DLX4: variants seen among roughly 807,000 people sequenced by gnomAD.
The protein encoded by DLX4 is distal-less homeobox 4.
DLX4 carries 13 observed loss-of-function variants against 17.1 expected under a neutral mutation model. The observed-to-expected ratio is 0.76, with a 90% confidence interval of 0.49 to 1.21. DLX4 has a LOEUF of 1.21. Ranked by LOEUF, DLX4 falls within the 50% of genes most tolerant of loss-of-function variation. DLX4 has a pLI of 0.00. For synonymous variants in DLX4, 129 were observed against 140.3 expected (o/e 0.92, Z 0.57); for missense variants, 297 against 301.4 (o/e 0.99, Z 0.11).
At chr17:49,973,553 C>T in intron 2 of DLX4, 148 bp from the exon 3 acceptor site, 1 of 1,110,264 alleles carries the variant, frequency 9.0e-7, no homozygotes, top group Non-Finnish European at 1.3e-6. Context: ...GCTCCTGGGG[C>T]TGTGGGGGAC....
In DLX4 at chr17:49,974,694, C is replaced by A. The variant is rs1173271727; in HGVS notation, c.*751C>A. ...TCAATAGGTATTTATTGAGAGGCTC[C>A]CTTCTATTCCCCATCCCTAATCCCT... On this transcript the variant is annotated 3_prime_UTR_variant, in exon 3 of 3. Transcript: ENST00000240306. 2.0e-5 allele frequency: 3 copies of A among 151,860 alleles called. No homozygotes were observed. Among genetic ancestry groups the A allele is most frequent in the Non-Finnish European group, 4.4e-5 (3 of 67,988 alleles). 9.4% of individuals were successfully genotyped at this position (151,860 alleles called of 1,614,324 possible).
upstream of DLX4, chr17:49,969,089 T>C (rs1231290359): frequency 4.8e-6 from 1 of 209,420 alleles, no homozygotes; most frequent in Admixed American, 6.0e-5. Context: ...TTACCACTTC[T>C]CTACAGCGGG....
At position 49,970,834 on chromosome 17, in the gene DLX4, A is replaced by G. The variant is rs573873343; in HGVS notation, c.283+1083A>G. Among the ~76,000 whole-genome samples the G allele has an allele frequency of 1.2e-4, 18 of 152,296 alleles. No individual in the cohort carries two copies. In the South Asian group the frequency reaches 2.3e-3, roughly 19 times the overall value. ...TCCTGTGGCTCTGACATGCTCACAA[A>G]CCATCAGAGCCAGAAGTGACCCTAG... On this transcript the variant is annotated intron_variant, in intron 1 of 2. Coordinates refer to ENST00000240306, the MANE Select transcript of DLX4 (RefSeq NM_138281.3).
rs1396958390 is a variant in DLX4 at position 49,969,260 on chromosome 17, C to A, written c.-209C>A. The A allele has an allele frequency of 6.2e-6, 2 of 324,820 alleles. No homozygotes were observed. The highest frequency in any genetic ancestry group is 2.5e-4 in the African/African-American group (2 of 8,010). 20.1% of individuals were successfully genotyped at this position (324,820 alleles called of 1,614,324 possible). On this transcript the variant is annotated 5_prime_UTR_variant, in exon 1 of 3. Coordinates refer to ENST00000240306, the MANE Select transcript of DLX4 (RefSeq NM_138281.3). ...TGGATTTAGGGGGGGAGGGGAAAGT[C>A]ATGGGGGGCACCCCCCCGGAACCCC...
At position 49,972,703 on chromosome 17, in the gene DLX4, G is replaced by A. The variant is rs1905551188; in HGVS notation, c.284-370G>A. The stretch of plus-strand genomic sequence containing the variant: ...AGGCCTCGGCTCAGCCCTGGACCTA[G>A]CCTTTCTGCCCCGCCCTACCCCAAG... On this transcript the variant is annotated intron_variant, in intron 1 of 2. Coordinates refer to ENST00000240306, the MANE Select transcript of DLX4 (RefSeq NM_138281.3). The surrounding 1 kb of genome is among the most constrained non-coding windows in gnomAD (Gnocchi z 5.4). 1 of 1,338,122 alleles carries A rather than the reference G, an allele frequency of 7.5e-7. No homozygotes were observed. Among genetic ancestry groups the A allele is most frequent in the African/African-American group, 1.5e-5 (1 of 67,238 alleles). 82.9% of individuals were successfully genotyped at this position (1,338,122 alleles called of 1,614,324 possible).
intron 1 of DLX4, chr17:49,971,825 C>G (rs1905515545): frequency 6.6e-6 from 1 of 152,344 alleles, no homozygotes; most frequent in East Asian, 1.9e-4. Flanking sequence ...ATCTCAGAAG[C>G]CCGCAGCGCC....
At chr17:49,973,326 A>T in intron 2 of DLX4, 57 bp downstream of exon 2, 1 of 1,586,810 alleles carries the variant, frequency 6.3e-7, no homozygotes, top group Non-Finnish European at 8.6e-7. Context: ...CTGGGAACTC[A>T]TCCCCCAGCC....
Position 49,973,061 on chromosome 17 carries a change from G to T in DLX4, c.284-12G>T, listed in dbSNP as rs555311434. 6.2e-7 allele frequency: 1 copy of T among 1,613,912 alleles called. No individual in the cohort carries two copies. The highest frequency in any genetic ancestry group is 8.5e-7 in the Non-Finnish European group (1 of 1,179,876). On this transcript the variant is annotated splice_polypyrimidine_tract_variant and intron_variant, in intron 1 of 2. Transcript: ENST00000240306. ...CTCCTCGCCCCCTACACCGTGTTGT[G>T]CTGCCCACCAGACTCGGAGAAGCCG...
rs749444856 is a variant in DLX4, at chr17:49,969,504, C to A, written c.36C>A (p.Asp12Glu). The A allele has an allele frequency of 2.0e-5, 32 of 1,606,430 alleles. No homozygotes were observed. Among genetic ancestry groups the A allele is most frequent in the Non-Finnish European group, 2.5e-5 (30 of 1,177,804 alleles). ...TSLPCPLPGR[D>E]ASKAVFPDLA... Reference sequence around the variant, plus strand: ...TGCCCTGCCCCCTCCCCGGCCGGGACGCCTCCAAAGCTGTCTTCCCAGACC... The same window carrying A: ...TGCCCTGCCCCCTCCCCGGCCGGGAAGCCTCCAAAGCTGTCTTCCCAGACC... The change falls in exon 1 of 3, where the codon GAC (aspartate) becomes GAA (glutamate). Residue 12 changes from aspartate to glutamate, a missense_variant. Asp to Glu is a conservative substitution (Grantham distance 45). Transcript: ENST00000240306.
At position 49,969,725 on chromosome 17, in the gene DLX4, C is replaced by A; in HGVS notation, c.257C>A (p.Ala86Glu). The A allele has an allele frequency of 6.3e-7, 1 of 1,599,590 alleles. No individual in the cohort carries two copies. The highest frequency in any genetic ancestry group is 8.5e-7 in the Non-Finnish European group (1 of 1,179,112). Residue 86 changes from alanine to glutamate, a missense_variant, in exon 1 of 3, where the codon GCA becomes GAA. Ala to Glu is a moderately radical substitution (Grantham distance 107, BLOSUM62 -1). Coordinates refer to ENST00000240306, the MANE Select transcript of DLX4 (RefSeq NM_138281.3). The stretch of plus-strand genomic sequence containing the variant: ...CTCTCTCAGCCCCTCTGCGGACCTG[C>A]AGAGCACCCTCAGGAACTCGAGGCA... The part of the protein sequence containing the change: ...AALSQPLCGP[A>E]EHPQELEADS...
rs368222487 is a variant in DLX4, at chr17:49,969,708, G to A, written c.240G>A (p.Gln80=). The change falls in exon 1 of 3, where the codon CAG becomes CAA. Residue 80 remains glutamine (Q), a synonymous_variant. Transcript: ENST00000240306. ...LSCQQPAALS[Q]PLCGPAEHPQ... ...GCCAGCAACCCGCGGCGCTCTCTCAGCCCCTCTGCGGACCTGCAGAGCACC... is the reference window on the plus strand; with the variant it reads ...GCCAGCAACCCGCGGCGCTCTCTCAACCCCTCTGCGGACCTGCAGAGCACC... 7.5e-6 allele frequency: 12 copies of A among 1,601,810 alleles called. No homozygotes were observed. The highest frequency in any genetic ancestry group is 1.0e-5 in the Non-Finnish European group (12 of 1,179,748).
chr17:49,972,764 C>A lies in DLX4; in HGVS notation c.284-309C>A. The stretch of plus-strand genomic sequence containing the variant: ...CGCCCGTGGCTGAACTCCGACCTCC[C>A]ACCGCAGGCGCCGCGGTACCCTGGC... On this transcript the variant is annotated intron_variant, in intron 1 of 2. Coordinates refer to ENST00000240306, the MANE Select transcript of DLX4 (RefSeq NM_138281.3). This position sits in a 1 kb window ranked among gnomAD's most constrained non-coding sequence, Gnocchi z 5.4. The A allele has an allele frequency of 7.2e-7, 1 of 1,389,818 alleles. No individual in the cohort carries two copies. Among genetic ancestry groups the A allele is most frequent in the Non-Finnish European group, 9.3e-7 (1 of 1,078,382 alleles). 86.1% of individuals were successfully genotyped at this position (1,389,818 alleles called of 1,614,324 possible).
upstream of DLX4, chr17:49,969,107 G>A (rs56132909): frequency 0.048 from 10,874 of 226,016 alleles, 346 homozygotes; most frequent in Middle Eastern, 0.074. Context: ...GGGCTGTCCC[G>A]GGGGGCGGGG....
chr17:49,971,124 G>A (rs1905488366), intron 1 of DLX4, among the ~76,000 whole-genome samples: 2 of 152,176 alleles, frequency 1.3e-5, no homozygotes, highest in East Asian at 1.9e-4. Flanking sequence ...GGGGACTGGG[G>A]TGGGAATATC....
chr17:49,972,819 C>T lies in DLX4; in HGVS notation c.284-254C>T, dbSNP rs1388333860. On this transcript the variant is annotated intron_variant, in intron 1 of 2. Transcript: ENST00000240306. This position sits in a 1 kb window ranked among gnomAD's most constrained non-coding sequence, Gnocchi z 5.4. ...GCCCTCGGCGCTTTCTTCCTAGGGT[C>T]ACAGGACCCATACGAGTGGGAGCTC... The T allele has an allele frequency of 7.1e-7, 1 of 1,415,626 alleles. No individual in the cohort carries two copies. Among genetic ancestry groups the T allele is most frequent in the Admixed American group, 3.1e-5 (1 of 31,970 alleles). The allele number at this position is 1,415,626 out of a possible 1,614,324, so 87.7% of individuals were successfully genotyped here. A position where few individuals can be genotyped will look rare whatever the true frequency, so the allele number is the denominator to read the frequency against.
chr17:49,969,348 G>GT lies in DLX4; in HGVS notation c.-120dup. The GT allele has an allele frequency of 8.5e-7, 1 of 1,174,016 alleles. No individual in the cohort carries two copies. The highest frequency in any genetic ancestry group is 1.6e-5 in the South Asian group (1 of 63,538). 72.7% of individuals were successfully genotyped at this position (1,174,016 alleles called of 1,614,324 possible). ...AGAGACACTTTCTCCGGGATCTTAA[G>GT]TGTGGGGGCTGCTGGCTGGGGGGCC... On this transcript the variant is annotated 5_prime_UTR_variant, in exon 1 of 3. Transcript: ENST00000240306.
At position 49,969,765 on chromosome 17, in the gene DLX4, T is replaced by A; in HGVS notation, c.283+14T>A. 10 of 1,574,906 alleles carry A rather than the reference T, an allele frequency of 6.3e-6. No individual in the cohort carries two copies. The highest frequency in any genetic ancestry group is 8.6e-6 in the Non-Finnish European group (10 of 1,167,122). On this transcript the variant is annotated intron_variant, in intron 1 of 2. Transcript: ENST00000240306. The stretch of plus-strand genomic sequence containing the variant: ...AACTCGAGGCAGGTAAGTTCGGCCG[T>A]GGAGGCTCTTCCCACCTCTGGGGTT...
Position 49,969,633 on chromosome 17 carries a change from G to A in DLX4, c.165G>A (p.Leu55=), listed in dbSNP as rs1056380756. 1.2e-6 allele frequency: 2 copies of A among 1,612,470 alleles called. No individual in the cohort carries two copies. Among genetic ancestry groups the A allele is most frequent in the African/African-American group, 2.7e-5 (2 of 74,874 alleles). The change falls in exon 1 of 3, where the codon CTG becomes CTA. Residue 55 remains leucine, a synonymous_variant. Transcript: ENST00000240306. Reference sequence around the variant, plus strand: ...ACTCCAGGCCGTATGGCCACCTCCTGTCTTACCCCTACACCGAGCCAGCGA... The same window carrying A: ...ACTCCAGGCCGTATGGCCACCTCCTATCTTACCCCTACACCGAGCCAGCGA... ...LSYSRPYGHL[L]SYPYTEPANP...
intron 2 of DLX4, 193 bp downstream of exon 2, chr17:49,973,462 G>T: frequency 9.9e-7 from 1 of 1,009,740 alleles, no homozygotes; most frequent in Non-Finnish European, 1.5e-6. Context: ...GTATGTGCGG[G>T]TGGGGTGGAG....
Sources: allele counts gnomAD v4.1 joint callset (sites outside exome capture counted in the v4.1 genomes callset), GRCh38; gene constraint gnomAD v4.1.1; non-coding constraint Gnocchi (gnomAD v3.1); transcripts MANE v1.5; gene names NCBI Gene and HGNC (gene_info 2026-07-23, HGNC 2026-07-21).